PPP1R9A: variants seen among roughly 807,000 people sequenced by gnomAD.
PPP1R9A encodes the protein protein phosphatase 1 regulatory subunit 9A.
PPP1R9A carries 59 observed loss-of-function variants against 141.9 expected under a neutral mutation model. The observed-to-expected ratio is 0.42, with a 90% CI of 0.34 to 0.52. PPP1R9A has a LOEUF of 0.52. Ranked by LOEUF, PPP1R9A falls within the 20% of genes least tolerant of loss-of-function variation. The probability of loss-of-function intolerance (pLI) is 0.10; values close to 1 mark genes in which losing one functional copy is unlikely to be tolerated. For synonymous variants in PPP1R9A, 500 were observed against 569.7 expected, an observed-to-expected ratio of 0.88 and a Z score of 1.74; for missense variants, 1,444 against 1,611.9, an observed-to-expected ratio of 0.90 and a Z score of 1.78.
chr7:94,954,549 G>T (rs1230055920), intron 2 of PPP1R9A, among the ~76,000 whole-genome samples: 1 of 151,640 alleles, frequency 6.6e-6, no homozygotes, highest in Non-Finnish European at 1.5e-5. Context: ...TATTTTTTAA[G>T]AATGTCTTAT....
intron 8 of PPP1R9A, among the ~76,000 whole-genome samples, chr7:95,233,962 A>C (rs1406002809): frequency 6.6e-6 from 1 of 152,212 alleles, no homozygotes; most frequent in Non-Finnish European, 1.5e-5. Flanking sequence ...AGAAAAAAGC[A>C]TTTGACAGAA....
At chr7:95,204,232 A>T (rs1463828763) in intron 7 of PPP1R9A, among the ~76,000 whole-genome samples, 1 of 152,194 alleles carries the variant, frequency 6.6e-6, no homozygotes, top group Non-Finnish European at 1.5e-5. Context: ...CTAAAATATC[A>T]AAATATCTAA....
At chr7:95,093,143 G>A (rs371432782) in intron 2 of PPP1R9A, among the ~76,000 whole-genome samples, 2 of 152,046 alleles carry the variant, frequency 1.3e-5, no homozygotes, top group South Asian at 2.1e-4. Context: ...TTTTGGCTCG[G>A]GAGAGGACAG....
chr7:95,154,701 A>C (rs775674645), intron 4 of PPP1R9A: 1 of 152,138 alleles, frequency 6.6e-6, no homozygotes, highest in African/African-American at 2.4e-5. Context: ...ATGAGAGAGA[A>C]TGACTTCTGA....
intron 2 of PPP1R9A, among the ~76,000 whole-genome samples, chr7:94,988,002 A>T (rs1801052556): frequency 6.6e-6 from 1 of 152,106 alleles, no homozygotes; most frequent in Non-Finnish European, 1.5e-5. Flanking sequence ...AGTTTTATTT[A>T]TTTGATTAAA....
intron 2 of PPP1R9A, among the ~76,000 whole-genome samples, chr7:94,938,483 T>C (rs147577956): frequency 6.6e-6 from 1 of 152,110 alleles, no homozygotes; most frequent in Admixed American, 6.6e-5. Flanking sequence ...ATGAGTATGT[T>C]GACTGTGGCA....
chr7:95,110,871 A>G (rs1392727016), intron 2 of PPP1R9A, among the ~76,000 whole-genome samples: 3 of 152,222 alleles, frequency 2.0e-5, no homozygotes, highest in Admixed American at 1.3e-4. Context: ...AGGTCATACC[A>G]TGAAACAGGT....
At chr7:94,959,901 T>C (rs1332708268) in intron 2 of PPP1R9A, among the ~76,000 whole-genome samples, 1 of 151,736 alleles carries the variant, frequency 6.6e-6, no homozygotes, top group Non-Finnish European at 1.5e-5. Flanking sequence ...TCTCAATTAT[T>C]TGAGGCTGCG....
intron 6 of PPP1R9A, among the ~76,000 whole-genome samples, chr7:95,203,086 A>C (rs1331633969): frequency 6.6e-6 from 1 of 152,066 alleles, no homozygotes; most frequent in African/African-American, 2.4e-5. Context: ...AAGCCCCTAA[A>C]ATATAATTTA....
chr7:95,178,415 A>G (rs1833211444), intron 5 of PPP1R9A, among the ~76,000 whole-genome samples: 1 of 152,034 alleles, frequency 6.6e-6, no homozygotes, highest in South Asian at 2.1e-4. Flanking sequence ...GGCCCTAAAC[A>G]CCTACATCAA....
chr7:95,055,002 C>CA (rs1428160224), intron 2 of PPP1R9A, among the ~76,000 whole-genome samples: 1 of 152,028 alleles, frequency 6.6e-6, no homozygotes, highest in African/African-American at 2.4e-5. Context: ...GTGTTAAAAA[C>CA]AAAGTTATTT....
chr7:95,077,248 C>T (rs941935029), intron 2 of PPP1R9A, among the ~76,000 whole-genome samples: 8 of 151,858 alleles, frequency 5.3e-5, no homozygotes, highest in African/African-American at 1.5e-4. Context: ...TTCTGGTTTT[C>T]GCTTTGTGGT....
At chr7:95,162,378 A>G (rs920880843) in intron 5 of PPP1R9A, among the ~76,000 whole-genome samples, 1 of 152,186 alleles carries the variant, frequency 6.6e-6, no homozygotes, top group African/African-American at 2.4e-5. Flanking sequence ...AAAGATAAGT[A>G]TATTTTTTAA....
At chr7:95,261,889 T>C (rs1455861094) in intron 12 of PPP1R9A, among the ~76,000 whole-genome samples, 1 of 150,096 alleles carries the variant, frequency 6.7e-6, no homozygotes, top group Non-Finnish European at 1.5e-5. Context: ...TTTTCTTACA[T>C]TTTCTAATGC....
chr7:95,039,122 A>G (rs1808853113), intron 2 of PPP1R9A, among the ~76,000 whole-genome samples: 1 of 152,228 alleles, frequency 6.6e-6, no homozygotes, highest in East Asian at 1.9e-4. Flanking sequence ...CAAAGCCATC[A>G]TCAGAGCCCT....
At chr7:94,949,901 A>T (rs1163727813) in intron 2 of PPP1R9A, among the ~76,000 whole-genome samples, 1 of 150,266 alleles carries the variant, frequency 6.7e-6, no homozygotes, top group Admixed American at 6.6e-5. Context: ...CCCCAGTAAA[A>T]CAGTTCTTTT....
intron 6 of PPP1R9A, among the ~76,000 whole-genome samples, chr7:95,199,160 T>C (rs2152860254): frequency 1.3e-5 from 2 of 152,354 alleles, no homozygotes; most frequent in Middle Eastern, 6.8e-3. Context: ...CCTTGTGTGC[T>C]GTAATATAAT....
intron 2 of PPP1R9A, among the ~76,000 whole-genome samples, chr7:94,929,456 C>T (rs997396498): frequency 1.3e-5 from 2 of 152,110 alleles, no homozygotes; most frequent in South Asian, 4.1e-4. Context: ...GACAAGTGTG[C>T]AACCTAACAG....
At chr7:95,258,820 A>G (rs1799998399) in intron 12 of PPP1R9A, among the ~76,000 whole-genome samples, 1 of 152,218 alleles carries the variant, frequency 6.6e-6, no homozygotes, top group Non-Finnish European at 1.5e-5. Context: ...TGTGATAGCC[A>G]GCACATGGAA....
Sources: gnomAD v4.1 joint callset for allele counts (sites outside exome capture counted in the v4.1 genomes callset) on GRCh38, gnomAD v4.1.1 for gene constraint, MANE v1.5 for transcripts, NCBI Gene and HGNC (gene_info 2026-07-23, HGNC 2026-07-21) for gene names.